BCL11B: variants seen among roughly 807,000 people sequenced by gnomAD.
BCL11B encodes the protein B-cell lymphoma/leukemia 11B.
Under a neutral mutation model 49.9 loss-of-function variants are expected in BCL11B, and 8 were observed. That is an observed-to-expected ratio of 0.16 (90% CI 0.09 to 0.29). BCL11B has a LOEUF of 0.29. Among genes scored for constraint, BCL11B ranks in the 10% least tolerant of loss-of-function variants. The probability of loss-of-function intolerance (pLI) is 1.00; values close to 1 mark genes in which losing one functional copy is unlikely to be tolerated. For synonymous variants in BCL11B, 739 were observed against 637.4 expected (o/e 1.16, Z -2.40); for missense variants, 1,006 against 1,351.0 (o/e 0.74, Z 4.00).
chr14:99,269,716 G>T (rs1889598427), intron 1 of BCL11B, among the ~76,000 whole-genome samples: 1 of 150,126 alleles, frequency 6.7e-6, no homozygotes, highest in Non-Finnish European at 1.5e-5. Flanking sequence ...GCTCTCGGCC[G>T]CCCGGCAGCC....
rs1887217101 is a variant in BCL11B, at chr14:99,197,678, T to C, written c.641-21483A>G. Among the ~76,000 whole-genome samples, 3 of 152,120 alleles carry C rather than the reference T, an allele frequency of 2.0e-5. No homozygotes were observed. The South Asian group carries it at 6.2e-4, about 32-fold the overall frequency. ...CACGCACTCTTCCTCGCTGCGTGAA[T>C]AGAATATGATTATTTCTAACGTCTC... On this transcript the variant is annotated intron_variant, in intron 3 of 3. Transcript: ENST00000357195.
intron 2 of BCL11B, among the ~76,000 whole-genome samples, chr14:99,235,412 C>T (rs1005870831): frequency 6.6e-6 from 1 of 152,130 alleles, no homozygotes; most frequent in African/African-American, 2.4e-5. Flanking sequence ...ACAGTCCCCG[C>T]GCCCCCTCCC....
chr14:99,235,122 G>A (rs1257413), intron 2 of BCL11B, among the ~76,000 whole-genome samples: 1 of 152,028 alleles, frequency 6.6e-6, no homozygotes, highest in East Asian at 1.9e-4. Flanking sequence ...AGCCCCATCC[G>A]GGTTTCAGGG....
intron 2 of BCL11B, among the ~76,000 whole-genome samples, chr14:99,243,911 T>C (rs1453661828): frequency 3.8e-5 from 5 of 130,698 alleles, no homozygotes; most frequent in Non-Finnish European, 4.9e-5. Context: ...CTCCCACACA[T>C]TGCTCCTAAA....
At position 99,271,718 on chromosome 14, in the gene BCL11B, T is replaced by C. The variant is rs1187410254; in HGVS notation, c.-500A>G. Among the ~76,000 whole-genome samples, 1 of 149,788 alleles carries C rather than the reference T, an allele frequency of 6.7e-6. No individual in the cohort carries two copies. The highest frequency in any genetic ancestry group is 2.5e-5 in the African/African-American group (1 of 40,444). ...GTCTGGTAGGTGGAAAGCGCACTTC[T>C]ACCAGGAGGGGAAAAAAAATGCAAA... On this transcript the variant is annotated 5_prime_UTR_variant, in exon 1 of 4. Transcript: ENST00000357195.
At position 99,248,925 on chromosome 14, in the gene BCL11B, G is replaced by C. The variant is rs992466430; in HGVS notation, c.427+8546C>G. Among the ~76,000 whole-genome samples the C allele has an allele frequency of 6.6e-6, 1 of 152,114 alleles. No individual in the cohort carries two copies. The highest frequency in any genetic ancestry group is 1.5e-5 in the Non-Finnish European group (1 of 68,022). On this transcript the variant is annotated intron_variant, in intron 2 of 3. Transcript: ENST00000357195. This position sits in a 1 kb window ranked among gnomAD's most constrained non-coding sequence, Gnocchi z 4.7. ...CAGCCACAGTAGGATGCCATCCTAG[G>C]TCTCGAGCCAGAGTCCACTGTGCCT...
intron 3 of BCL11B, among the ~76,000 whole-genome samples, chr14:99,180,292 C>T (rs1886663595): frequency 6.6e-6 from 1 of 152,230 alleles, no homozygotes; most frequent in South Asian, 2.1e-4. Context: ...ACGTCAGCTA[C>T]ACTTTGCTCA....
At chr14:99,201,369 A>T (rs1338194940) in intron 3 of BCL11B, among the ~76,000 whole-genome samples, 2 of 152,156 alleles carry the variant, frequency 1.3e-5, no homozygotes, top group African/African-American at 4.8e-5. Context: ...CTCCCCTCTC[A>T]TCTAGAGCCT....
At chr14:99,234,676 C>T (rs1219346050) in intron 2 of BCL11B, among the ~76,000 whole-genome samples, 1 of 152,064 alleles carries the variant, frequency 6.6e-6, no homozygotes, top group African/African-American at 2.4e-5. Flanking sequence ...ACTCACCAAA[C>T]GGTCACTATC....
chr14:99,231,801 G>A lies in BCL11B; in HGVS notation c.428-244C>T, dbSNP rs1488356441. 6.6e-6 allele frequency among the ~76,000 whole-genome samples: 1 copy of A among 152,042 alleles called. No homozygotes were observed. The highest frequency in any genetic ancestry group is 1.5e-5 in the Non-Finnish European group (1 of 67,966). ...CACAGCTGCCAGGCTGGGCTGTCGG[G>A]GAGGCAGGACCCCGCCTCTGGGGGC... is the stretch of plus-strand genomic sequence containing the variant. On this transcript the variant is annotated intron_variant, in intron 2 of 3. Transcript: ENST00000357195. The surrounding 1 kb of genome is among the most constrained non-coding windows in gnomAD (Gnocchi z 8.1).
intron 3 of BCL11B, among the ~76,000 whole-genome samples, chr14:99,208,866 C>T (rs975843381): frequency 5.9e-5 from 9 of 152,232 alleles, no homozygotes; most frequent in African/African-American, 1.9e-4. Flanking sequence ...TCATGAAGCT[C>T]GTCCCTGCCC....
chr14:99,229,031 G>C (rs1011624609), intron 3 of BCL11B, among the ~76,000 whole-genome samples: 4 of 123,614 alleles, frequency 3.2e-5, no homozygotes, highest in African/African-American at 1.3e-4. Flanking sequence ...TGGATGGATG[G>C]ATGGATGGAT....
intron 2 of BCL11B, among the ~76,000 whole-genome samples, chr14:99,244,013 T>C (rs985438238): frequency 2.1e-5 from 3 of 145,642 alleles, no homozygotes; most frequent in Non-Finnish European, 3.0e-5. Flanking sequence ...CAGGGCAGCC[T>C]ACCCTGCCAC....
Position 99,174,149 on chromosome 14 carries a change from G to T in BCL11B, c.*2C>A. The stretch of plus-strand genomic sequence containing the variant: ...AGGTGCGGGGCGCCGGGGCCCGCGC[G>T]CTTAGCTCCTCTCGGCCTGCTCGAT... On this transcript the variant is annotated 3_prime_UTR_variant, in exon 4 of 4. Coordinates refer to ENST00000357195, the MANE Select transcript of BCL11B (RefSeq NM_138576.4). 1 of 1,610,910 alleles carries T rather than the reference G, an allele frequency of 6.2e-7. No homozygotes were observed.
intron 3 of BCL11B, among the ~76,000 whole-genome samples, chr14:99,196,445 C>T (rs757274203): frequency 4.6e-5 from 7 of 152,264 alleles, no homozygotes; most frequent in Non-Finnish European, 8.8e-5. Context: ...TCCCCTTCCC[C>T]TCCTGAGCCA....
intron 2 of BCL11B, among the ~76,000 whole-genome samples, chr14:99,252,478 C>G (rs1198775802): frequency 6.6e-6 from 1 of 152,188 alleles, no homozygotes; most frequent in Non-Finnish European, 1.5e-5. Flanking sequence ...CTGGGCTCGT[C>G]AGAAGTCCTT....
intron 1 of BCL11B, among the ~76,000 whole-genome samples, chr14:99,259,107 TAGTCGTAGAGAAG>T (rs1889264127): frequency 6.6e-6 from 1 of 152,098 alleles, no homozygotes; most frequent in African/African-American, 2.4e-5. Context: ...CAAATGTCAG[TAGTCGTAGAGAAG>T]ACACGAGTGG....
rs940909049 is a variant in BCL11B, at chr14:99,247,457, A to G, written c.427+10014T>C. The stretch of plus-strand genomic sequence containing the variant: ...GTTTGTCCCATTTTCTCCCGAACAG[A>G]GAAGAATTCAGACAGTTGTTGTCTC... On this transcript the variant is annotated intron_variant, in intron 2 of 3. Transcript: ENST00000357195. The surrounding 1 kb of genome is among the most constrained non-coding windows in gnomAD (Gnocchi z 4.5). Among the ~76,000 whole-genome samples, 4 of 152,142 alleles carry G rather than the reference A, an allele frequency of 2.6e-5. No homozygotes were observed. Among genetic ancestry groups the G allele is most frequent in the Admixed American group, 6.5e-5 (1 of 15,286 alleles).
At chr14:99,211,991 G>A (rs1171066887) in intron 3 of BCL11B, among the ~76,000 whole-genome samples, 1 of 151,912 alleles carries the variant, frequency 6.6e-6, no homozygotes, top group Non-Finnish European at 1.5e-5. Context: ...CCCAGCAGAA[G>A]AGTTGGTTCC....
Sources: gnomAD v4.1 joint callset for allele counts (sites outside exome capture counted in the v4.1 genomes callset) on GRCh38, gnomAD v4.1.1 for gene constraint, Gnocchi (gnomAD v3.1) non-coding constraint, MANE v1.5 for transcripts, NCBI Gene and HGNC (gene_info 2026-07-23, HGNC 2026-07-21) for gene names.